The following SHROOM3 variants were observed in gnomAD, a reference collection of about 807,000 sequenced individuals.
SHROOM3 encodes the protein shroom family member 3, also known as protein Shroom3.
In SHROOM3, 47 loss-of-function variants were observed where a neutral mutation model predicts 138.6. The observed-to-expected ratio is 0.34, with a 90% CI of 0.27 to 0.43. The LOEUF is 0.43. Among genes scored for constraint, SHROOM3 ranks in the 20% least tolerant of loss-of-function variants. SHROOM3 has a pLI of 1.00. For synonymous variants in SHROOM3, 1,062 were observed against 1,063.3 expected, an observed-to-expected ratio of 1.00 and a Z score of 0.02; for missense variants, 2,491 against 2,596.5, an observed-to-expected ratio of 0.96 and a Z score of 0.88.
chr4:76,743,120 C>T (rs1004654103), intron 5 of SHROOM3, among the ~76,000 whole-genome samples: 4 of 152,156 alleles, frequency 2.6e-5, no homozygotes, highest in African/African-American at 4.8e-5. Context: ...GAAAGTGCTT[C>T]TCCTGAAGGG....
Position 76,436,189 on chromosome 4 carries a change from T to G in SHROOM3, c.137T>G (p.Leu46Arg). ...TGGGGTTTTACTCTAAAGGGTGGCC[T>G]GGAGCACGGAGAACCATTAATCATC... is the stretch of plus-strand genomic sequence containing the variant. Reference protein sequence around the residue: ...APWGFTLKGGLEHGEPLIISK... With the variant: ...APWGFTLKGGREHGEPLIISK... The change falls in exon 1 of 11, where the codon CTG becomes CGG. Residue 46 changes from leucine (L) to arginine (R), a missense_variant. This residue lies in a region of SHROOM3 where 284 missense variants were observed against 322.8 expected (regional missense o/e 0.88). Coordinates refer to ENST00000296043, the MANE Select transcript of SHROOM3 (RefSeq NM_020859.4). 6.2e-7 allele frequency: 1 copy of G among 1,614,092 alleles called. No homozygotes were observed. The highest frequency in any genetic ancestry group is 8.5e-7 in the Non-Finnish European group (1 of 1,179,934).
At chr4:76,466,513 A>C (rs1227619271) in intron 1 of SHROOM3, among the ~76,000 whole-genome samples, 3 of 152,242 alleles carry the variant, frequency 2.0e-5, no homozygotes, top group Non-Finnish European at 2.9e-5. Flanking sequence ...AGGAACTAAG[A>C]GCAGTGTCTG....
chr4:76,565,159 TCAAAA>T (rs1733696323), intron 2 of SHROOM3, among the ~76,000 whole-genome samples: 1 of 75,686 alleles, frequency 1.3e-5, no homozygotes. Context: ...AGACTCCATT[TCAAAA>T]AAAAAAAAAA....
intron 5 of SHROOM3, among the ~76,000 whole-genome samples, chr4:76,742,903 G>A (rs1354120213): frequency 6.6e-6 from 1 of 152,202 alleles, no homozygotes; most frequent in African/African-American, 2.4e-5. Context: ...GCAAGCATCT[G>A]TAGAGCATGT....
chr4:76,473,061 C>T (rs943514815), intron 1 of SHROOM3, among the ~76,000 whole-genome samples: 5 of 152,234 alleles, frequency 3.3e-5, no homozygotes, highest in Admixed American at 1.3e-4. Context: ...TTGATTTAGC[C>T]ATTCTGCAAT....
chr4:76,768,136 A>G (rs1219689343), intron 9 of SHROOM3, among the ~76,000 whole-genome samples: 4 of 152,234 alleles, frequency 2.6e-5, no homozygotes, highest in Non-Finnish European at 1.5e-5. Flanking sequence ...CTTCACATAG[A>G]TGACATTCTC....
intron 3 of SHROOM3, among the ~76,000 whole-genome samples, chr4:76,714,711 G>T (rs558051603): frequency 1.8e-4 from 27 of 152,136 alleles, no homozygotes; most frequent in African/African-American, 6.5e-4. Flanking sequence ...TTACTATAAT[G>T]TTCTAAATTT....
chr4:76,777,815 A>G (rs1049045566), intron 10 of SHROOM3, among the ~76,000 whole-genome samples: 4 of 152,188 alleles, frequency 2.6e-5, no homozygotes, highest in African/African-American at 9.7e-5. Flanking sequence ...TTGGAGAGAA[A>G]ACCACATTAA....
chr4:76,490,843 C>T (rs12651108), intron 1 of SHROOM3, among the ~76,000 whole-genome samples: 11,653 of 152,130 alleles, frequency 0.077, 793 homozygotes, highest in East Asian at 0.26. Context: ...AGCATCACCT[C>T]CATTTTATGT....
intron 3 of SHROOM3, among the ~76,000 whole-genome samples, chr4:76,714,218 C>G (rs1157140100): frequency 6.6e-6 from 1 of 152,212 alleles, no homozygotes; most frequent in African/African-American, 2.4e-5. Flanking sequence ...AAACTTTACT[C>G]AGATCTCACC....
chr4:76,720,580 CT>C (rs909620691), intron 3 of SHROOM3, among the ~76,000 whole-genome samples: 3 of 150,730 alleles, frequency 2.0e-5, no homozygotes, highest in African/African-American at 7.3e-5. Flanking sequence ...TTATTCTATA[CT>C]AAAGAAGATA....
intron 2 of SHROOM3, among the ~76,000 whole-genome samples, chr4:76,583,136 C>G (rs1211070334): frequency 6.6e-6 from 1 of 152,118 alleles, no homozygotes; most frequent in South Asian, 2.1e-4. Flanking sequence ...GCAGGTCTTA[C>G]CTGGGCTGGG....
chr4:76,704,463 G>C (rs1719992649), intron 2 of SHROOM3, among the ~76,000 whole-genome samples: 1 of 152,240 alleles, frequency 6.6e-6, no homozygotes, highest in South Asian at 2.1e-4. Flanking sequence ...CTCCGAGGAG[G>C]TGATGTTCCA....
At chr4:76,750,705 AG>A in intron 6 of SHROOM3, among the ~76,000 whole-genome samples, 1 of 151,786 alleles carries the variant, frequency 6.6e-6, no homozygotes, top group East Asian at 1.9e-4. Flanking sequence ...GTGACAGGTG[AG>A]GGGGGCTGTT....
At chr4:76,656,139 G>C (rs1330000377) in intron 2 of SHROOM3, among the ~76,000 whole-genome samples, 1 of 152,164 alleles carries the variant, frequency 6.6e-6, no homozygotes, top group Non-Finnish European at 1.5e-5. Flanking sequence ...TATTCCTGCT[G>C]CTCCTGCTTC....
intron 1 of SHROOM3, among the ~76,000 whole-genome samples, chr4:76,511,514 T>G (rs1732336533): frequency 6.6e-6 from 1 of 152,190 alleles, no homozygotes; most frequent in South Asian, 2.1e-4. Flanking sequence ...TCTCCAAGGC[T>G]TTTTCTATCA....
At chr4:76,568,688 C>T (rs1733777332) in intron 2 of SHROOM3, among the ~76,000 whole-genome samples, 1 of 152,080 alleles carries the variant, frequency 6.6e-6, no homozygotes. Flanking sequence ...GTAGCAGGAC[C>T]CACCCTTCTC....
At chr4:76,688,682 A>T in intron 2 of SHROOM3, 1 of 985,428 alleles carries the variant, frequency 1.0e-6, no homozygotes, top group Non-Finnish European at 1.2e-6. Context: ...TAGAATATTA[A>T]CTGGACGCCT....
intron 4 of SHROOM3, among the ~76,000 whole-genome samples, chr4:76,732,138 T>TA (rs1183751926): frequency 6.6e-6 from 1 of 152,294 alleles, no homozygotes; most frequent in East Asian, 1.9e-4. Flanking sequence ...CCCAGGGAGT[T>TA]AGACTCCGTA....
Sources: allele counts gnomAD v4.1 joint callset (sites outside exome capture counted in the v4.1 genomes callset), GRCh38; gene constraint gnomAD v4.1.1; regional missense constraint gnomAD v4.1.1; transcripts MANE v1.5; gene names NCBI Gene and HGNC (gene_info 2026-07-23, HGNC 2026-07-21).